ADCY8: variants seen among roughly 807,000 people sequenced by gnomAD.
ADCY8 encodes adenylate cyclase 8, also known as adenylate cyclase type 8.
A neutral mutation model predicts 119.7 loss-of-function variants in ADCY8; 51 were observed. That is an observed-to-expected ratio of 0.43 (90% confidence interval 0.34 to 0.54). The LOEUF is 0.54. Ranked by LOEUF, ADCY8 falls within the 20% of genes least tolerant of loss-of-function variation. ADCY8 has a pLI of 0.03. For missense variants in ADCY8, 1,383 were observed against 1,598.8 expected, an observed-to-expected ratio of 0.87 and a Z score of 2.30; for synonymous variants, 665 against 651.0, an observed-to-expected ratio of 1.02 and a Z score of -0.33.
intron 1 of ADCY8, among the ~76,000 whole-genome samples, chr8:131,031,848 A>G (rs1824007237): frequency 1.3e-5 from 2 of 149,898 alleles, no homozygotes; most frequent in Non-Finnish European, 3.0e-5. Flanking sequence ...GTTCTGTTAG[A>G]TTTTTTTTTT....
intron 11 of ADCY8, among the ~76,000 whole-genome samples, chr8:130,842,417 C>T (rs1406837222): frequency 6.6e-6 from 1 of 152,156 alleles, no homozygotes; most frequent in Admixed American, 6.5e-5. Context: ...ACTCCAATTA[C>T]ACATATAGTA....
At chr8:130,979,401 A>C (rs1469884005) in intron 2 of ADCY8, among the ~76,000 whole-genome samples, 1 of 152,212 alleles carries the variant, frequency 6.6e-6, no homozygotes, top group Non-Finnish European at 1.5e-5. Flanking sequence ...CTGTTGTGAC[A>C]ATTGTACACC....
intron 1 of ADCY8, among the ~76,000 whole-genome samples, chr8:130,999,998 A>C (rs995108552): frequency 2.6e-5 from 4 of 152,230 alleles, no homozygotes; most frequent in African/African-American, 9.6e-5. Flanking sequence ...CTAAATAATA[A>C]CAAGTATGAC....
intron 5 of ADCY8, among the ~76,000 whole-genome samples, chr8:130,925,472 C>T (rs1820437553): frequency 1.3e-5 from 2 of 152,060 alleles, no homozygotes; most frequent in Admixed American, 6.5e-5. Flanking sequence ...GCCATGGAGG[C>T]TATAAGTTAA....
rs148389434 is a variant in ADCY8, at chr8:130,964,982, G to A, written c.1111-12984C>T. 3.2e-3 allele frequency among the ~76,000 whole-genome samples: 492 copies of A among 152,248 alleles called. 28 individuals are homozygous for A. In the East Asian group the frequency reaches 0.089, roughly 28 times the overall value. ...CCTCTCGTATGTCTTCTTTTGAGAG[G>A]TGTCTGTTCATGTCCTTTGCCCACT... On this transcript the variant is annotated intron_variant, in intron 2 of 17. Coordinates refer to ENST00000286355, the MANE Select transcript of ADCY8 (RefSeq NM_001115.3).
chr8:131,035,121 G>T (rs140022371), intron 1 of ADCY8, among the ~76,000 whole-genome samples: 2,103 of 152,170 alleles, frequency 0.014, 33 homozygotes, highest in African/African-American at 0.029. Flanking sequence ...CAAACAATTG[G>T]TTTATGATGT....
At chr8:130,831,230 T>TC (rs1351108380) in intron 12 of ADCY8, among the ~76,000 whole-genome samples, 2 of 152,226 alleles carry the variant, frequency 1.3e-5, no homozygotes, top group African/African-American at 4.8e-5. Flanking sequence ...AGCTAATGCT[T>TC]CTTTCAGTCA....
chr8:130,987,058 T>A lies in ADCY8; in HGVS notation c.1110+3335A>T, dbSNP rs182280073. The stretch of plus-strand genomic sequence containing the variant: ...CAGAGTAAAGACAGTCTTATTGGGC[T>A]CTCTCTCTACAGAATGAATGGGTGA... On this transcript the variant is annotated intron_variant, in intron 2 of 17. Coordinates refer to ENST00000286355, the MANE Select transcript of ADCY8 (RefSeq NM_001115.3). Among the ~76,000 whole-genome samples the A allele has an allele frequency of 3.2e-3, 487 of 152,282 alleles. 1 individual carries two copies. Among genetic ancestry groups the A allele is most frequent in the African/African-American group, 0.011 (472 of 41,554 alleles).
intron 9 of ADCY8, among the ~76,000 whole-genome samples, chr8:130,867,204 A>G (rs1037920770): frequency 4.6e-5 from 7 of 152,130 alleles, no homozygotes; most frequent in Non-Finnish European, 1.0e-4. Flanking sequence ...AGCATCTATA[A>G]CCTGGACAAT....
At chr8:131,027,700 T>G (rs1823864252) in intron 1 of ADCY8, among the ~76,000 whole-genome samples, 1 of 152,154 alleles carries the variant, frequency 6.6e-6, no homozygotes, top group Non-Finnish European at 1.5e-5. Context: ...GTCTTAAGCT[T>G]AGCAGATAAA....
intron 14 of ADCY8, among the ~76,000 whole-genome samples, chr8:130,800,854 T>C (rs75471722): frequency 0.18 from 26,857 of 152,204 alleles, 3,042 homozygotes; most frequent in African/African-American, 0.32. Flanking sequence ...TGATGTCTGG[T>C]GAGGACTCAC....
intron 13 of ADCY8, 145 bp downstream of exon 13, chr8:130,821,197 G>C (rs1816497464): frequency 3.3e-6 from 2 of 597,154 alleles, no homozygotes; most frequent in Admixed American, 5.9e-5. Context: ...TTCATTAGGT[G>C]GTCTTTATTA....
intron 5 of ADCY8, among the ~76,000 whole-genome samples, chr8:130,930,667 T>C (rs1820605916): frequency 6.6e-6 from 1 of 152,196 alleles, no homozygotes; most frequent in Non-Finnish European, 1.5e-5. Flanking sequence ...AACTTAACTT[T>C]GGTCACACAC....
chr8:130,990,419 G>A lies in ADCY8; in HGVS notation c.1084C>T (p.Arg362Cys), dbSNP rs377530734. The change falls in exon 2 of 18, where the codon CGC becomes TGC. Residue 362 changes from arginine to cysteine, a missense_variant. Around this residue, in one of 2 missense-constraint regions of ADCY8, gnomAD observed 928 missense variants for 1,163.5 expected, o/e 0.80. Coordinates refer to ENST00000286355, the MANE Select transcript of ADCY8 (RefSeq NM_001115.3). ...TGTCTTTGGTTCTCTGTCTCCAGGC[G>A]CAGCCTGGCCTCCACACACCTCCGA... ...ETRRCVEARL[R>C]LETENQRQER... 6.8e-6 allele frequency: 11 copies of A among 1,614,016 alleles called. No individual in the cohort carries two copies. Among genetic ancestry groups the A allele is most frequent in the African/African-American group, 2.7e-5 (2 of 74,946 alleles).
In ADCY8 at chr8:130,951,995, G is replaced by A. The variant is rs747184724; in HGVS notation, c.1114C>T (p.Arg372Trp). Reference sequence around the variant, plus strand: ...CGGGGGAGCACAGAAAGCACGAGCCGCTCCTGGAACAAATGAAGAGGGACG... The same window carrying A: ...CGGGGGAGCACAGAAAGCACGAGCCACTCCTGGAACAAATGAAGAGGGACG... ...RLETENQRQE[R>W]LVLSVLPRFV... Residue 372 changes from arginine (R) to tryptophan (W), a missense_variant, in exon 3 of 18, where the codon CGG (arginine) becomes TGG (tryptophan). Around this residue, in one of 2 missense-constraint regions of ADCY8, gnomAD observed 928 missense variants for 1,163.5 expected, o/e 0.80. Transcript: ENST00000286355. 6 of 1,613,734 alleles carry A rather than the reference G, an allele frequency of 3.7e-6. No homozygotes were observed. In the African/African-American group the frequency reaches 5.3e-5, roughly 14 times the overall value.
At chr8:130,993,489 G>A (rs1822667052) in intron 1 of ADCY8, among the ~76,000 whole-genome samples, 1 of 152,160 alleles carries the variant, frequency 6.6e-6, no homozygotes, top group African/African-American at 2.4e-5. Flanking sequence ...GTTTGGCTGT[G>A]TCCCTACCAA....
intron 15 of ADCY8, among the ~76,000 whole-genome samples, 172 bp from the exon 16 acceptor site, chr8:130,785,647 T>C (rs1586409314): frequency 6.6e-6 from 1 of 152,246 alleles, no homozygotes; most frequent in African/African-American, 2.4e-5. Context: ...ATATATTTAA[T>C]GAGCACTTGC....
intron 12 of ADCY8, among the ~76,000 whole-genome samples, chr8:130,823,041 T>G (rs1313059823): frequency 6.6e-6 from 1 of 152,202 alleles, no homozygotes; most frequent in East Asian, 1.9e-4. Flanking sequence ...CAGCTCCTCC[T>G]TGTGACTTCT....
At chr8:131,027,688 A>G (rs140362374) in intron 1 of ADCY8, among the ~76,000 whole-genome samples, 13 of 152,318 alleles carry the variant, frequency 8.5e-5, no homozygotes, top group African/African-American at 2.9e-4. Flanking sequence ...CCAGATTGCC[A>G]GGTCTTAAGC....
Sources: gnomAD v4.1 joint callset for allele counts (sites outside exome capture counted in the v4.1 genomes callset) on GRCh38, gnomAD v4.1.1 for gene constraint, gnomAD v4.1.1 regional missense constraint, MANE v1.5 for transcripts, NCBI Gene and HGNC (gene_info 2026-07-23, HGNC 2026-07-21) for gene names.